Variants in PRKCA observed in about 807,000 individuals in gnomAD.
PRKCA encodes the protein protein kinase C alpha.
In PRKCA, 27 loss-of-function variants were observed where a neutral mutation model predicts 87.0. The observed-to-expected ratio is 0.31, with a 90% CI of 0.23 to 0.43. PRKCA has a LOEUF of 0.43. Among genes scored for constraint, PRKCA ranks in the 20% least tolerant of loss-of-function variants. The probability of loss-of-function intolerance (pLI) is 1.00; values close to 1 mark genes in which losing one functional copy is unlikely to be tolerated. For missense variants in PRKCA, 518 were observed against 852.3 expected, an observed-to-expected ratio of 0.61 and a Z score of 4.88; for synonymous variants, 329 against 311.1, an observed-to-expected ratio of 1.06 and a Z score of -0.61.
rs141845559 is a variant in PRKCA, at chr17:66,714,871, C to T, written c.919-17817C>T. On this transcript the variant is annotated intron_variant, in intron 8 of 16. Coordinates refer to ENST00000413366, the MANE Select transcript of PRKCA (RefSeq NM_002737.3). ...GCCCAGAGAATAGCCCAGAACAGTGCAGCTGCTGCTAGCCTTGGAAGCAGG... is the reference window on the plus strand; with the variant it reads ...GCCCAGAGAATAGCCCAGAACAGTGTAGCTGCTGCTAGCCTTGGAAGCAGG... 1.2e-4 allele frequency among the ~76,000 whole-genome samples: 19 copies of T among 152,316 alleles called. No homozygotes were observed. In the East Asian group the frequency reaches 3.5e-3, roughly 28 times the overall value.
chr17:66,752,363 G>C (rs1207550699), intron 13 of PRKCA, among the ~76,000 whole-genome samples: 1 of 152,208 alleles, frequency 6.6e-6, no homozygotes, highest in East Asian at 1.9e-4. Context: ...GGGAGGCCGG[G>C]GTGGGAGGAT....
intron 2 of PRKCA, among the ~76,000 whole-genome samples, chr17:66,443,730 C>T (rs1055539823): frequency 6.8e-6 from 1 of 147,072 alleles, no homozygotes; most frequent in Admixed American, 7.0e-5. Flanking sequence ...AAGTAAAGAC[C>T]GCAGAGGATG....
chr17:66,800,953 A>G (rs1482439776), intron 16 of PRKCA, among the ~76,000 whole-genome samples: 1 of 152,214 alleles, frequency 6.6e-6, no homozygotes, highest in Non-Finnish European at 1.5e-5. Context: ...TTAAAGGAGC[A>G]CACATCCCAG....
chr17:66,714,600 G>T (rs561293787), intron 8 of PRKCA, among the ~76,000 whole-genome samples: 73 of 152,324 alleles, frequency 4.8e-4, no homozygotes, highest in African/African-American at 1.7e-3. Context: ...GATGGCTGTG[G>T]CGAGACTACT....
intron 2 of PRKCA, among the ~76,000 whole-genome samples, chr17:66,420,872 C>A (rs1912449865): frequency 6.6e-6 from 1 of 152,146 alleles, no homozygotes; most frequent in South Asian, 2.1e-4. Flanking sequence ...GTCGTTGTCC[C>A]CTGCATTCCC....
At chr17:66,743,447 A>G (rs925710191) in intron 13 of PRKCA, among the ~76,000 whole-genome samples, 3 of 152,252 alleles carry the variant, frequency 2.0e-5, no homozygotes, top group African/African-American at 7.2e-5. Context: ...TGACTGTTCT[A>G]AACTGCATGT....
At chr17:66,760,758 C>G (rs1974665275) in intron 13 of PRKCA, among the ~76,000 whole-genome samples, 2 of 152,214 alleles carry the variant, frequency 1.3e-5, no homozygotes, top group Admixed American at 6.5e-5. Context: ...AAACTACAGA[C>G]TAATACCTCT....
chr17:66,709,888 A>G (rs1254834355), intron 8 of PRKCA, among the ~76,000 whole-genome samples: 1 of 152,128 alleles, frequency 6.6e-6, no homozygotes, highest in African/African-American at 2.4e-5. Context: ...AATAGTTTTC[A>G]TGGTAAGCGG....
chr17:66,626,516 C>T (rs561455027), intron 3 of PRKCA, among the ~76,000 whole-genome samples: 10 of 149,448 alleles, frequency 6.7e-5, no homozygotes, highest in African/African-American at 2.4e-4. Flanking sequence ...CACCCACCAC[C>T]AAGCCCGGCT....
At chr17:66,523,840 C>A (rs759265085) in intron 3 of PRKCA, among the ~76,000 whole-genome samples, 22 of 152,190 alleles carry the variant, frequency 1.4e-4, no homozygotes, top group Admixed American at 5.2e-4. Flanking sequence ...GTCAGAGGGG[C>A]TTGTAATGAA....
chr17:66,711,288 G>A (rs1430782797), intron 8 of PRKCA, among the ~76,000 whole-genome samples: 1 of 152,142 alleles, frequency 6.6e-6, no homozygotes, highest in Non-Finnish European at 1.5e-5. Flanking sequence ...AATCAGTATG[G>A]TGTATTTACA....
At chr17:66,710,764 T>A (rs1973305067) in intron 8 of PRKCA, among the ~76,000 whole-genome samples, 1 of 151,928 alleles carries the variant, frequency 6.6e-6, no homozygotes, top group Admixed American at 6.6e-5. Context: ...GCACGGTGGC[T>A]CACACCTGTA....
intron 5 of PRKCA, among the ~76,000 whole-genome samples, chr17:66,673,137 A>G (rs775840148): frequency 1.3e-5 from 2 of 152,252 alleles, no homozygotes; most frequent in Non-Finnish European, 2.9e-5. Flanking sequence ...TCAGAATTAT[A>G]GAACTTTAAT....
chr17:66,737,673 G>A (rs530493197), intron 10 of PRKCA, among the ~76,000 whole-genome samples: 50 of 152,326 alleles, frequency 3.3e-4, no homozygotes, highest in Non-Finnish European at 4.4e-4. Flanking sequence ...CGGCCACTAC[G>A]TGTCAGCCTA....
At chr17:66,420,321 C>A (rs1912417768) in intron 2 of PRKCA, among the ~76,000 whole-genome samples, 1 of 152,072 alleles carries the variant, frequency 6.6e-6, no homozygotes, top group African/African-American at 2.4e-5. Flanking sequence ...GGGACATGTT[C>A]TTAAAGTTTA....
intron 5 of PRKCA, among the ~76,000 whole-genome samples, chr17:66,659,191 G>T (rs8068129): frequency 3.9e-5 from 6 of 151,926 alleles, no homozygotes; most frequent in Admixed American, 3.9e-4. Flanking sequence ...GTGCCCCTTC[G>T]TGAGGAACTG....
intron 2 of PRKCA, among the ~76,000 whole-genome samples, chr17:66,439,573 C>A (rs546319534): frequency 6.6e-6 from 1 of 152,214 alleles, no homozygotes; most frequent in Non-Finnish European, 1.5e-5. Flanking sequence ...TTCCAAAATA[C>A]GTGTCTCTCA....
intron 3 of PRKCA, among the ~76,000 whole-genome samples, chr17:66,556,739 C>G (rs1430654467): frequency 3.3e-5 from 5 of 152,206 alleles, no homozygotes; most frequent in African/African-American, 1.2e-4. Context: ...TCATTCTTCT[C>G]TCTCCTGCCG....
At chr17:66,651,071 C>T (rs1443202490) in intron 5 of PRKCA, among the ~76,000 whole-genome samples, 1 of 152,054 alleles carries the variant, frequency 6.6e-6, no homozygotes, top group Non-Finnish European at 1.5e-5. Context: ...CCTGGGGAGG[C>T]AGCAGGTGAC....
Sources: gnomAD v4.1 joint callset for allele counts (sites outside exome capture counted in the v4.1 genomes callset) on GRCh38, gnomAD v4.1.1 for gene constraint, MANE v1.5 for transcripts, NCBI Gene and HGNC (gene_info 2026-07-23, HGNC 2026-07-21) for gene names.